Variants in MTBP observed in about 807,000 individuals in gnomAD.
The protein encoded by MTBP is mdm2-binding protein.
In MTBP, 101 loss-of-function variants were observed where a neutral mutation model predicts 117.0. The observed-to-expected ratio is 0.86, with a 90% confidence interval of 0.73 to 1.02. The LOEUF is 1.02. Among genes scored for constraint, MTBP ranks in the 50% least tolerant of loss-of-function variants. MTBP has a pLI of 0.00. For synonymous variants in MTBP, 350 were observed against 351.5 expected, an observed-to-expected ratio of 1.00 and a Z score of 0.05; for missense variants, 970 against 1,030.9, an observed-to-expected ratio of 0.94 and a Z score of 0.81.
chr8:120,467,796 A>G (rs1173589722), intron 10 of MTBP, among the ~76,000 whole-genome samples: 1 of 152,212 alleles, frequency 6.6e-6, no homozygotes, highest in Non-Finnish European at 1.5e-5. Context: ...TTTATTTTGT[A>G]GGGAATTATA....
rs188972895 is a variant in MTBP at position 120,487,879 on chromosome 8, A to G, written c.1166-280A>G. Among the ~76,000 whole-genome samples, 195 of 152,350 alleles carry G rather than the reference A, an allele frequency of 1.3e-3. 1 individual carries two copies. The highest frequency in any genetic ancestry group is 2.2e-4 in the Non-Finnish European group (15 of 68,018). ...AGCTGTAAACATTATTGATGTGGTT[A>G]TTTAAGAAATATACTGTAGATATGG... On this transcript the variant is annotated intron_variant, in intron 11 of 21. Transcript: ENST00000305949.
chr8:120,451,825 T>G (rs1432935766), intron 4 of MTBP: 1 of 153,270 alleles, frequency 6.5e-6, no homozygotes, highest in African/African-American at 2.4e-5. Flanking sequence ...TCAAGCAATC[T>G]GCCTGCCTTG....
rs369413664 is a variant in MTBP, at chr8:120,445,549, C to T, written c.79C>T (p.Pro27Ser). The change falls in exon 1 of 22, where the codon CCA (proline) becomes TCA (serine). Residue 27 changes from proline (P) to serine (S), a missense_variant. Coordinates refer to ENST00000305949, the MANE Select transcript of MTBP (RefSeq NM_022045.5). ...SAASREAEHG[P>S]EVSSGEGTEN... The stretch of plus-strand genomic sequence containing the variant: ...GGCCAGTAGGGAGGCAGAACATGGG[C>T]CAGAGGTGTCGTCGGGTGAGGGTAC... 8 of 1,613,042 alleles carry T rather than the reference C, an allele frequency of 5.0e-6. No homozygotes were observed. The African/African-American group carries it at 5.4e-5, about 11-fold the overall frequency.
chr8:120,472,394 A>T (rs1813834509), intron 11 of MTBP: 3 of 152,172 alleles, frequency 2.0e-5, no homozygotes, highest in African/African-American at 7.2e-5. Flanking sequence ...AGTTTTGTTT[A>T]TCTATTGCGT....
chr8:120,466,843 G>A (rs975451006), intron 10 of MTBP, among the ~76,000 whole-genome samples: 15 of 152,184 alleles, frequency 9.9e-5, no homozygotes, highest in Admixed American at 3.9e-4. Context: ...CACTGTACTC[G>A]AGCCTGGGCA....
chr8:120,449,488 A>T (rs1157052354), intron 2 of MTBP, among the ~76,000 whole-genome samples: 1 of 152,204 alleles, frequency 6.6e-6, no homozygotes, highest in Admixed American at 6.5e-5. Context: ...AAGATGTAGG[A>T]GAGGGCTGGA....
At chr8:120,496,574 T>G (rs1261817916) in intron 13 of MTBP, among the ~76,000 whole-genome samples, 4 of 152,106 alleles carry the variant, frequency 2.6e-5, no homozygotes, top group Non-Finnish European at 5.9e-5. Flanking sequence ...ATATTTCCAG[T>G]GGGGCATTTG....
chr8:120,497,580 TA>T, intron 14 of MTBP, 26 bp downstream of exon 14: 1 of 1,306,914 alleles, frequency 7.7e-7, no homozygotes, highest in Non-Finnish European at 1.0e-6. Context: ...CTTTAAATTT[TA>T]GTTCGTGTGT....
chr8:120,499,183 T>G (rs559639134), intron 14 of MTBP, among the ~76,000 whole-genome samples: 70 of 152,312 alleles, frequency 4.6e-4, no homozygotes, highest in African/African-American at 1.7e-3. Context: ...TTCTGTTTCC[T>G]TTTTACCACA....
At chr8:120,491,254 G>A (rs987127332) in intron 13 of MTBP, among the ~76,000 whole-genome samples, 55 of 151,792 alleles carry the variant, frequency 3.6e-4, no homozygotes, top group African/African-American at 1.3e-3. Context: ...AAAGTTATTC[G>A]AATTATATAT....
At chr8:120,480,397 G>A (rs1243937359) in intron 11 of MTBP, among the ~76,000 whole-genome samples, 5 of 151,862 alleles carry the variant, frequency 3.3e-5, no homozygotes, top group East Asian at 1.9e-4. Flanking sequence ...GCGACAGAGC[G>A]AGACTCCGTC....
Position 120,518,062 on chromosome 8 carries a change from A to G in MTBP, c.2458A>G (p.Arg820Gly), listed in dbSNP as rs1814951891. The change falls in exon 19 of 22, where the codon AGG (arginine) becomes GGG (glycine). Residue 820 changes from arginine (R) to glycine (G), a missense_variant. By Grantham distance (125) the Arg-to-Gly change is moderately radical. Transcript: ENST00000305949. ...QKSMHESKTS[R>G]QIKESRSQKH... ...AAGTATGCATGAATCAAAAACATCA[A>G]GGCAAATTAAGGAATCAAGATCACA... 6.2e-7 allele frequency: 1 copy of G among 1,612,554 alleles called. No individual in the cohort carries two copies. Among genetic ancestry groups the G allele is most frequent in the African/African-American group, 1.3e-5 (1 of 74,856 alleles).
Position 120,459,310 on chromosome 8 carries a change from A to G in MTBP, c.843A>G (p.Lys281=), listed in dbSNP as rs140862480. ...TSNLNTDFLA[K]KIIPSKDKNI... is the part of the protein sequence containing the mutation. Reference sequence around the variant, plus strand: ...ATTTAAATACTGACTTCCTTGCCAAAAAGATCATACCATCAAAGGATAAGA... The same window carrying G: ...ATTTAAATACTGACTTCCTTGCCAAGAAGATCATACCATCAAAGGATAAGA... Residue 281 remains lysine (K), a synonymous_variant, in exon 8 of 22, where the codon AAA becomes AAG. Coordinates refer to ENST00000305949, the MANE Select transcript of MTBP (RefSeq NM_022045.5). The G allele has an allele frequency of 5.1e-5, 82 of 1,612,264 alleles. No homozygotes were observed. Among genetic ancestry groups the G allele is most frequent in the Non-Finnish European group, 6.5e-5 (77 of 1,179,280 alleles).
chr8:120,480,079 G>A (rs1009957444), intron 11 of MTBP, among the ~76,000 whole-genome samples: 6 of 152,076 alleles, frequency 3.9e-5, no homozygotes, highest in African/African-American at 1.4e-4. Flanking sequence ...ATGGAGAGAT[G>A]TACCATATTT....
chr8:120,446,263 T>C (rs1813225155), intron 1 of MTBP, among the ~76,000 whole-genome samples, 170 bp from the exon 2 acceptor site: 1 of 152,228 alleles, frequency 6.6e-6, no homozygotes, highest in Non-Finnish European at 1.5e-5. Context: ...CTTTTCTATT[T>C]TCTCTGATTG....
rs768711763 is a variant in MTBP, at chr8:120,445,600, G to A, written c.118+12G>A. 2 of 1,592,742 alleles carry A rather than the reference G, an allele frequency of 1.3e-6. No homozygotes were observed. Among genetic ancestry groups the A allele is most frequent in the Non-Finnish European group, 1.7e-6 (2 of 1,169,412 alleles). ...TGAGAATCAGCCGGGTAAGCGCTGG[G>A]ATGAGAAAGAGCGGGAACGGCTTGT... On this transcript the variant is annotated intron_variant, in intron 1 of 21. Transcript: ENST00000305949.
intron 17 of MTBP, among the ~76,000 whole-genome samples, chr8:120,513,436 A>G (rs1204848663): frequency 2.0e-5 from 3 of 152,052 alleles, no homozygotes; most frequent in Non-Finnish European, 4.4e-5. Flanking sequence ...TACTTCACTA[A>G]TATCAAATAT....
chr8:120,488,210 A>C lies in MTBP; in HGVS notation c.1217A>C (p.Gln406Pro), dbSNP rs1814259494. 6.3e-7 allele frequency: 1 copy of C among 1,595,278 alleles called. No homozygotes were observed. Among genetic ancestry groups the C allele is most frequent in the Non-Finnish European group, 8.5e-7 (1 of 1,173,512 alleles). Residue 406 changes from glutamine to proline, a missense_variant, in exon 12 of 22, where the codon CAA (glutamine) becomes CCA (proline). Physicochemically the swap from Gln to Pro is moderately conservative, Grantham distance 76. Transcript: ENST00000305949. ...TGTTCTAGCTATTATCTCTTGTTAC[A>C]AGGTAATGGCAATAGAAGATGTAAA... ...GECSSYYLLL[Q>P]GNGNRRCKAT...
chr8:120,504,357 C>CTT (rs1284610358), intron 15 of MTBP, among the ~76,000 whole-genome samples: 16 of 152,056 alleles, frequency 1.1e-4, no homozygotes, highest in African/African-American at 3.9e-4. Context: ...AAACCTTATG[C>CTT]TATTTGCAGT....
Sources: gnomAD v4.1 joint callset for allele counts (sites outside exome capture counted in the v4.1 genomes callset) on GRCh38, gnomAD v4.1.1 for gene constraint, MANE v1.5 for transcripts, NCBI Gene and HGNC (gene_info 2026-07-23, HGNC 2026-07-21) for gene names.